Variants in EPS15L1 observed in about 807,000 individuals in gnomAD.
The protein encoded by EPS15L1 is epidermal growth factor receptor substrate 15-like 1.
A neutral mutation model predicts 117.1 loss-of-function variants in EPS15L1; 43 were observed. The ratio of observed to expected loss-of-function variants is 0.37; its 90% confidence interval spans 0.29 to 0.47. EPS15L1 has a LOEUF of 0.47. Ranked by LOEUF, EPS15L1 falls within the 20% of genes least tolerant of loss-of-function variation. EPS15L1 has a pLI of 0.99. For synonymous variants in EPS15L1, 459 were observed against 470.5 expected, an observed-to-expected ratio of 0.98 and a Z score of 0.32; for missense variants, 981 against 1,164.0, an observed-to-expected ratio of 0.84 and a Z score of 2.29.
At chr19:16,448,874 T>G (rs1422342281) in intron 1 of EPS15L1, among the ~76,000 whole-genome samples, 4 of 150,952 alleles carry the variant, frequency 2.6e-5, no homozygotes, top group Non-Finnish European at 5.9e-5. Context: ...AGCTACAGAC[T>G]AGAAAGAAAG....
At chr19:16,442,128 C>G in intron 2 of EPS15L1, 50 bp downstream of exon 2, 1 of 1,561,618 alleles carries the variant, frequency 6.4e-7, no homozygotes, top group East Asian at 2.2e-5. Flanking sequence ...ACTGTGCTTT[C>G]AGCTCAGGCA....
chr19:16,393,190 A>G (rs2092499182), intron 18 of EPS15L1, among the ~76,000 whole-genome samples: 1 of 151,420 alleles, frequency 6.6e-6, no homozygotes, highest in Non-Finnish European at 1.5e-5. Context: ...TGCGGGAGGG[A>G]ATGGGGAGTG....
At chr19:16,447,760 C>CG (rs1405320310) in intron 1 of EPS15L1, among the ~76,000 whole-genome samples, 2 of 144,828 alleles carry the variant, frequency 1.4e-5, no homozygotes, top group African/African-American at 5.1e-5. Flanking sequence ...ACTTCATCTT[C>CG]GGAAAAAAAA....
At position 16,383,245 on chromosome 19, in the gene EPS15L1, G is replaced by GC. The variant is rs759893307; in HGVS notation, c.2247+1883dup. The GC allele has an allele frequency of 6.6e-6, 1 of 152,200 alleles. No homozygotes were observed. Among genetic ancestry groups the GC allele is most frequent in the Non-Finnish European group, 1.5e-5 (1 of 68,044 alleles). 9.4% of individuals were successfully genotyped at this position (152,200 alleles called of 1,614,324 possible). A position where few individuals can be genotyped will look rare whatever the true frequency, so the allele number is the denominator to read the frequency against. ...TGAGACCGGCTCTGAAATCACAGCT[G>GC]CATGTGTGTGAAGAGCCCCTGGTTT... On this transcript the variant is annotated intron_variant, in intron 21 of 23. Transcript: ENST00000455140. The surrounding 1 kb of genome is among the most constrained non-coding windows in gnomAD (Gnocchi z 5.2).
chr19:16,372,116 C>A (rs2092233061), intron 22 of EPS15L1, among the ~76,000 whole-genome samples: 1 of 152,194 alleles, frequency 6.6e-6, no homozygotes, highest in Non-Finnish European at 1.5e-5. Flanking sequence ...CCTTGGTGGT[C>A]CCCAGAGTGC....
At chr19:16,444,754 T>G in intron 1 of EPS15L1, among the ~76,000 whole-genome samples, 1 of 144,590 alleles carries the variant, frequency 6.9e-6, no homozygotes, top group Non-Finnish European at 1.5e-5. Context: ...TGAGACAGGG[T>G]CTTGTTCTGT....
At chr19:16,421,126 G>A (rs1043369616) in intron 10 of EPS15L1, among the ~76,000 whole-genome samples, 193 bp downstream of exon 10, 7 of 152,242 alleles carry the variant, frequency 4.6e-5, no homozygotes, top group South Asian at 2.1e-4. Context: ...TGACCGTCAC[G>A]GAGCGCGGGC....
chr19:16,458,645 C>T (rs1278062249), intron 1 of EPS15L1, among the ~76,000 whole-genome samples: 1 of 152,062 alleles, frequency 6.6e-6, no homozygotes, highest in African/African-American at 2.4e-5. Context: ...CCCTGGCCAT[C>T]TCCTACCTTG....
rs2145227336 is a variant in EPS15L1 at position 16,471,599 on chromosome 19, GATGCAGCCCA to G, written c.33+304_33+313del. Among the ~76,000 whole-genome samples the G allele has an allele frequency of 6.6e-6, 1 of 152,272 alleles. No homozygotes were observed. Among genetic ancestry groups the G allele is most frequent in the East Asian group, 1.9e-4 (1 of 5,168 alleles). On this transcript the variant is annotated intron_variant, in intron 1 of 23. Transcript: ENST00000455140. The surrounding 1 kb of genome is among the most constrained non-coding windows in gnomAD (Gnocchi z 4.8). ...TCGCACCCCTCGCCCACCCCTCCGG[GATGCAGCCCA>G]GCGCCTCCGCGGGTCCCCGGCCTGG...
intron 7 of EPS15L1, among the ~76,000 whole-genome samples, chr19:16,433,729 G>A (rs2092951591): frequency 1.3e-5 from 2 of 151,978 alleles, no homozygotes; most frequent in South Asian, 4.1e-4. Flanking sequence ...CACTTTGGGA[G>A]GCCGAGGCGG....
intron 13 of EPS15L1, among the ~76,000 whole-genome samples, chr19:16,411,766 C>T (rs2092708029): frequency 6.6e-6 from 1 of 152,182 alleles, no homozygotes; most frequent in African/African-American, 2.4e-5. Flanking sequence ...GTAGTGCAAT[C>T]ACAGCTCACT....
intron 1 of EPS15L1, among the ~76,000 whole-genome samples, chr19:16,456,658 C>CAAAACA (rs962765800): frequency 2.6e-5 from 4 of 151,524 alleles, no homozygotes; most frequent in African/African-American, 7.3e-5. Flanking sequence ...AACTCCATCT[C>CAAAACA]AAAACAAAAA....
intron 21 of EPS15L1, among the ~76,000 whole-genome samples, chr19:16,379,466 T>C (rs1032308606): frequency 2.0e-5 from 3 of 152,144 alleles, no homozygotes; most frequent in Non-Finnish European, 4.4e-5. Context: ...AAAGGCACAC[T>C]CCCAGGGTTT....
chr19:16,464,809 CAT>C (rs1164719495), intron 1 of EPS15L1, among the ~76,000 whole-genome samples: 1 of 152,046 alleles, frequency 6.6e-6, no homozygotes, highest in Non-Finnish European at 1.5e-5. Flanking sequence ...CACGGGTGGG[CAT>C]GGTGGCTCAC....
intron 22 of EPS15L1, among the ~76,000 whole-genome samples, chr19:16,367,970 T>TGC (rs1555738242): frequency 1.3e-5 from 2 of 150,604 alleles, no homozygotes; most frequent in Non-Finnish European, 3.0e-5. Context: ...AACATGAGAG[T>TGC]GAGAGAGAGA....
chr19:16,377,334 G>A (rs1266370879), intron 21 of EPS15L1, 80 bp from the exon 22 acceptor site: 1 of 1,536,534 alleles, frequency 6.5e-7, no homozygotes. Flanking sequence ...AGACGCTCAT[G>A]CTCCAAGGGC....
intron 13 of EPS15L1, among the ~76,000 whole-genome samples, chr19:16,411,124 G>A (rs1238481838): frequency 1.3e-5 from 2 of 152,030 alleles, no homozygotes; most frequent in African/African-American, 2.4e-5. Context: ...ACAGGTGTTC[G>A]CACGAAAACC....
At chr19:16,407,907 T>C (rs1296797894) in intron 13 of EPS15L1, among the ~76,000 whole-genome samples, 1 of 152,182 alleles carries the variant, frequency 6.6e-6, no homozygotes, top group Non-Finnish European at 1.5e-5. Context: ...AAGGGGTGGC[T>C]GCTGATGGGA....
At chr19:16,408,608 C>G (rs1056143782) in intron 13 of EPS15L1, among the ~76,000 whole-genome samples, 1 of 150,826 alleles carries the variant, frequency 6.6e-6, no homozygotes, top group Non-Finnish European at 1.5e-5. Flanking sequence ...TGCAGTGAGC[C>G]GAGATTGCGC....
Sources: gnomAD v4.1 joint callset for allele counts (sites outside exome capture counted in the v4.1 genomes callset) on GRCh38, gnomAD v4.1.1 for gene constraint, Gnocchi (gnomAD v3.1) non-coding constraint, MANE v1.5 for transcripts, NCBI Gene and HGNC (gene_info 2026-07-23, HGNC 2026-07-21) for gene names.